Variants in SGCD observed in about 807,000 individuals in gnomAD.
The protein encoded by SGCD is delta-sarcoglycan.
A neutral mutation model predicts 36.6 loss-of-function variants in SGCD; 18 were observed. That is an observed-to-expected ratio of 0.49 (90% CI 0.34 to 0.73). SGCD has a LOEUF of 0.73. Among genes scored for constraint, SGCD ranks in the 30% least tolerant of loss-of-function variants. SGCD has a pLI of 0.01. For missense variants in SGCD, 387 were observed against 346.7 expected, an observed-to-expected ratio of 1.12 and a Z score of -0.92; for synonymous variants, 133 against 130.6, an observed-to-expected ratio of 1.02 and a Z score of -0.12.
At chr5:156,106,109 C>CAAAAAAAAAAA (rs1159337817) in intron 1 of SGCD, among the ~76,000 whole-genome samples, 1 of 34,912 alleles carries the variant, frequency 2.9e-5, no homozygotes, top group Non-Finnish European at 5.0e-5. Flanking sequence ...GACTCTGCCT[C>CAAAAAAAAAAA]AAAAAAAAAA....
At chr5:156,366,293 G>T in intron 3 of SGCD, among the ~76,000 whole-genome samples, 1 of 152,224 alleles carries the variant, frequency 6.6e-6, no homozygotes, top group South Asian at 2.1e-4. Context: ...TCACAAATCA[G>T]AAGAAAGGTT....
intron 1 of SGCD, among the ~76,000 whole-genome samples, chr5:156,075,277 T>G (rs1358169366): frequency 6.6e-6 from 1 of 151,998 alleles, no homozygotes; most frequent in Non-Finnish European, 1.5e-5. Context: ...GATGCAAAGG[T>G]GAAATACATA....
At chr5:156,252,180 G>A (rs1765599084) in intron 3 of SGCD, among the ~76,000 whole-genome samples, 1 of 151,418 alleles carries the variant, frequency 6.6e-6, no homozygotes, top group Non-Finnish European at 1.5e-5. Context: ...CCATTCTTCT[G>A]CCTCAGCCTC....
At chr5:155,986,353 A>C (rs1403568975) in intron 1 of SGCD, among the ~76,000 whole-genome samples, 2 of 152,178 alleles carry the variant, frequency 1.3e-5, no homozygotes, top group Admixed American at 6.6e-5. Context: ...TCTTTCCTTT[A>C]TGACTGCAGT....
chr5:155,832,274 C>T, the SGCD span, among the ~76,000 whole-genome samples: 61 of 152,150 alleles, frequency 4.0e-4, no homozygotes, highest in Non-Finnish European at 7.3e-4. Flanking sequence ...ACTGGATGAC[C>T]TCTAATGCCC....
chr5:156,037,885 C>T (rs566783115), intron 1 of SGCD, among the ~76,000 whole-genome samples: 1 of 152,250 alleles, frequency 6.6e-6, no homozygotes. Flanking sequence ...TAATATATTG[C>T]ATCTGTAGTA....
intron 3 of SGCD, among the ~76,000 whole-genome samples, chr5:156,473,165 A>C (rs1561718303): frequency 6.6e-6 from 1 of 152,150 alleles, no homozygotes; most frequent in Non-Finnish European, 1.5e-5. Context: ...CCAACTGTGC[A>C]ATACTTACCA....
the SGCD span, among the ~76,000 whole-genome samples, chr5:155,831,062 G>A: frequency 6.6e-6 from 1 of 152,174 alleles, no homozygotes; most frequent in African/African-American, 2.4e-5. Flanking sequence ...AGGTTGTGCA[G>A]ATAGGGAAAT....
the SGCD span, among the ~76,000 whole-genome samples, chr5:155,738,767 AGT>A: frequency 2.6e-4 from 38 of 145,338 alleles, no homozygotes; most frequent in South Asian, 1.3e-3. Context: ...AGAGTGTGAG[AGT>A]GTGAGAGAAT....
At chr5:156,005,701 T>C (rs1302643575) in intron 1 of SGCD, among the ~76,000 whole-genome samples, 3 of 152,132 alleles carry the variant, frequency 2.0e-5, no homozygotes, top group Non-Finnish European at 2.9e-5. Context: ...CCGCCCGCCT[T>C]GGCCTCCCAA....
intron 4 of SGCD, among the ~76,000 whole-genome samples, chr5:156,542,184 AAAGAGT>A (rs1287399478): frequency 6.6e-6 from 1 of 152,166 alleles, no homozygotes; most frequent in Non-Finnish European, 1.5e-5. Flanking sequence ...AGGGGTTTAG[AAAGAGT>A]AAGACAACAG....
chr5:156,389,232 T>C (rs1311799197), intron 3 of SGCD, among the ~76,000 whole-genome samples: 1 of 152,208 alleles, frequency 6.6e-6, no homozygotes, highest in Non-Finnish European at 1.5e-5. Context: ...CTGCAAGATA[T>C]ATCCCTATTT....
At chr5:155,959,503 A>T (rs1757746592) in intron 1 of SGCD, among the ~76,000 whole-genome samples, 1 of 152,122 alleles carries the variant, frequency 6.6e-6, no homozygotes, top group Admixed American at 6.6e-5. Flanking sequence ...TCTTTAGCCA[A>T]TTATCCTAAG....
chr5:156,091,676 A>G (rs1761248287), intron 1 of SGCD, among the ~76,000 whole-genome samples: 1 of 152,222 alleles, frequency 6.6e-6, no homozygotes, highest in Non-Finnish European at 1.5e-5. Context: ...AAACAGTGTA[A>G]CAGGGTTTAA....
At chr5:156,585,027 C>T (rs944144175) in intron 4 of SGCD, among the ~76,000 whole-genome samples, 11 of 152,128 alleles carry the variant, frequency 7.2e-5, no homozygotes, top group African/African-American at 2.7e-4. Flanking sequence ...CATGACCTCT[C>T]AAAGAAATCA....
At chr5:156,137,207 T>C (rs1762481313) in intron 3 of SGCD, among the ~76,000 whole-genome samples, 1 of 152,246 alleles carries the variant, frequency 6.6e-6, no homozygotes, top group African/African-American at 2.4e-5. Flanking sequence ...GTCTTTCCCT[T>C]ATGCCCTTTG....
intron 3 of SGCD, among the ~76,000 whole-genome samples, chr5:156,430,657 T>C (rs1773895147): frequency 1.3e-5 from 2 of 152,186 alleles, no homozygotes; most frequent in South Asian, 2.1e-4. Flanking sequence ...GTTTGGACTA[T>C]GTTTTTTTTT....
At chr5:156,713,381 G>A (rs895043202) in intron 7 of SGCD, among the ~76,000 whole-genome samples, 5 of 149,480 alleles carry the variant, frequency 3.3e-5, no homozygotes, top group Admixed American at 6.7e-5. Flanking sequence ...ATCCTGGGGG[G>A]ACAGGAAGAA....
chr5:155,995,339 T>A (rs879623455), intron 1 of SGCD, among the ~76,000 whole-genome samples: 2 of 152,192 alleles, frequency 1.3e-5, no homozygotes, highest in Non-Finnish European at 2.9e-5. Context: ...TTGAGATTTA[T>A]AACATGTAGA....
Sources: allele counts gnomAD v4.1 joint callset (sites outside exome capture counted in the v4.1 genomes callset), GRCh38; gene constraint gnomAD v4.1.1; transcripts MANE v1.5; gene names NCBI Gene and HGNC (gene_info 2026-07-23, HGNC 2026-07-21).